EYA1: variants seen among roughly 807,000 people sequenced by gnomAD.
The protein encoded by EYA1 is EYA transcriptional coactivator and phosphatase 1.
EYA1 carries 16 observed loss-of-function variants against 82.0 expected under a neutral mutation model. The observed-to-expected ratio is 0.20, with a 90% CI of 0.13 to 0.30. The LOEUF (loss-of-function observed/expected upper bound fraction) is 0.30. EYA1 is among the 10% of genes least tolerant of loss of function. The pLI is 1.00. For missense variants in EYA1, 633 were observed against 730.7 expected, an observed-to-expected ratio of 0.87 and a Z score of 1.54; for synonymous variants, 261 against 264.4, an observed-to-expected ratio of 0.99 and a Z score of 0.12.
At chr8:71,484,236 G>T (rs150857905) in intron 2 of EYA1, among the ~76,000 whole-genome samples, 118 of 152,336 alleles carry the variant, frequency 7.7e-4, no homozygotes, top group African/African-American at 2.5e-3. Flanking sequence ...CCTTATTTTA[G>T]AATAAGCATA....
chr8:71,469,217 C>G (rs1168418438), intron 2 of EYA1, among the ~76,000 whole-genome samples: 1 of 151,974 alleles, frequency 6.6e-6, no homozygotes, highest in Non-Finnish European at 1.5e-5. Flanking sequence ...GAAAGAAGAA[C>G]TATAAACAAA....
At chr8:71,453,835 A>G (rs747760296) in intron 2 of EYA1, among the ~76,000 whole-genome samples, 11 of 152,214 alleles carry the variant, frequency 7.2e-5, no homozygotes, top group Non-Finnish European at 1.6e-4. Flanking sequence ...TGTAAAGACC[A>G]TCGATGCTAG....
At chr8:71,430,257 C>T (rs1805519471) in intron 2 of EYA1, among the ~76,000 whole-genome samples, 1 of 152,108 alleles carries the variant, frequency 6.6e-6, no homozygotes, top group African/African-American at 2.4e-5. Context: ...CCCATAACCA[C>T]AAAGAAGATA....
At chr8:71,514,300 T>C (rs2129258360) in intron 2 of EYA1, among the ~76,000 whole-genome samples, 1 of 152,254 alleles carries the variant, frequency 6.6e-6, no homozygotes, top group East Asian at 1.9e-4. Context: ...TCAGGAATTC[T>C]TTACCTCACT....
rs1336987002 is a variant in EYA1, at chr8:71,356,393, T to C, written c.-5+69A>G. ...ATTAATAGAAATAATTAAGAAACAC[T>C]AGACAAAAATAGATATGGGTCACAG... On this transcript the variant is annotated intron_variant, in intron 2 of 17. Coordinates refer to ENST00000340726, the MANE Select transcript of EYA1 (RefSeq NM_000503.6). 2.4e-5 allele frequency: 32 copies of C among 1,331,332 alleles called. No individual in the cohort carries two copies. The East Asian group carries it at 7.0e-4, about 29-fold the overall frequency. 82.5% of individuals were successfully genotyped at this position (1,331,332 alleles called of 1,614,324 possible).
chr8:71,262,365 C>T lies in EYA1; in HGVS notation c.1050+7375G>A, dbSNP rs186061070. Among the ~76,000 whole-genome samples, 21 of 152,266 alleles carry T rather than the reference C, an allele frequency of 1.4e-4. 1 individual carries two copies. Among genetic ancestry groups the T allele is most frequent in the Admixed American group, 1.2e-3 (18 of 15,298 alleles). ...CTGCCACTTGTAATTCTCTGTTTCC[C>T]ACTCCCTCTTTGCTGCCTGGAATAA... is the stretch of plus-strand genomic sequence containing the variant. On this transcript the variant is annotated intron_variant, in intron 11 of 17. Transcript: ENST00000340726.
intron 9 of EYA1, among the ~76,000 whole-genome samples, chr8:71,289,045 A>G (rs1242083536): frequency 1.3e-5 from 2 of 152,180 alleles, no homozygotes; most frequent in Non-Finnish European, 2.9e-5. Context: ...CCTAGTGTTC[A>G]TCAACCATGA....
intron 11 of EYA1, among the ~76,000 whole-genome samples, chr8:71,263,741 C>A (rs1409767533): frequency 1.3e-5 from 2 of 152,192 alleles, no homozygotes; most frequent in Non-Finnish European, 2.9e-5. Flanking sequence ...TCATCTCTGA[C>A]ACACATTCTT....
Position 71,311,539 on chromosome 8 carries a change from CT to C in EYA1, c.556+6012del, listed in dbSNP as rs1424844684. 1.1e-4 allele frequency among the ~76,000 whole-genome samples: 16 copies of C among 152,340 alleles called. No individual in the cohort carries two copies. The East Asian group carries it at 3.1e-3, about 29-fold the overall frequency. On this transcript the variant is annotated intron_variant, in intron 7 of 17. Transcript: ENST00000340726. ...CATTCAGCTAACTCATCTGCATCAG[CT>C]TTGTCAATGGTGTGTGAAGAAAAAC...
chr8:71,304,084 A>G lies in EYA1; in HGVS notation c.557-4364T>C, dbSNP rs1005789730. On this transcript the variant is annotated intron_variant, in intron 7 of 17. Transcript: ENST00000340726. The stretch of plus-strand genomic sequence containing the variant: ...TTATATTAAAATAATTTATATTTAT[A>G]TCTTGTAAATAATCTCAGGGATTAT... Among the ~76,000 whole-genome samples, 17 of 137,386 alleles carry G rather than the reference A, an allele frequency of 1.2e-4. 1 individual carries two copies. The highest frequency in any genetic ancestry group is 4.3e-4 in the African/African-American group (17 of 39,480). The allele number at this position is 137,386 out of a possible 152,430, so 90.1% of individuals were successfully genotyped here.
At chr8:71,270,352 G>A (rs997152511) in intron 10 of EYA1, 4 of 155,390 alleles carry the variant, frequency 2.6e-5, no homozygotes, top group African/African-American at 9.6e-5. Context: ...AAAGGGATGG[G>A]ATACACATTG....
intron 2 of EYA1, among the ~76,000 whole-genome samples, chr8:71,412,431 A>AAAAT (rs1830655596): frequency 6.6e-6 from 1 of 151,062 alleles, no homozygotes; most frequent in African/African-American, 2.4e-5. Flanking sequence ...TAAAATAAAA[A>AAAAT]AAAGAAATTG....
chr8:71,390,963 TACC>T (rs1829244101), intron 2 of EYA1, among the ~76,000 whole-genome samples: 1 of 152,066 alleles, frequency 6.6e-6, no homozygotes, highest in African/African-American at 2.4e-5. Flanking sequence ...ATATAAAATT[TACC>T]TTTTTTTGTT....
chr8:71,284,568 C>T (rs143362408), intron 9 of EYA1, among the ~76,000 whole-genome samples: 2 of 152,234 alleles, frequency 1.3e-5, no homozygotes, highest in African/African-American at 2.4e-5. Flanking sequence ...ATAATGCATG[C>T]TAAAGTGTTT....
At chr8:71,373,377 TC>T (rs1828190898) in intron 2 of EYA1, among the ~76,000 whole-genome samples, 2 of 152,048 alleles carry the variant, frequency 1.3e-5, no homozygotes, top group South Asian at 4.1e-4. Context: ...GAAAGCAATT[TC>T]ATTTACAATA....
rs189671282 is a variant in EYA1 at position 71,487,282 on chromosome 8, A to T, written c.33+48462T>A. 4.3e-3 allele frequency among the ~76,000 whole-genome samples: 649 copies of T among 152,280 alleles called. 5 individuals carry two copies. The highest frequency in any genetic ancestry group is 0.015 in the African/African-American group (621 of 41,566). On this transcript the variant is annotated intron_variant, in intron 2 of 18. Coordinates refer to the EYA1 transcript ENST00000643681. ...TTTAATTTAATTACTGTGGGTTAAC[A>T]TTCTCAGGCTCAGTTTCATCTGTAA...
intron 2 of EYA1, among the ~76,000 whole-genome samples, chr8:71,475,787 C>T (rs894983802): frequency 3.3e-5 from 5 of 152,074 alleles, no homozygotes; most frequent in Admixed American, 1.3e-4. Context: ...CTATAATTTT[C>T]GTTTGTTTAT....
chr8:71,501,036 G>A (rs946872080), intron 2 of EYA1, among the ~76,000 whole-genome samples: 2 of 152,190 alleles, frequency 1.3e-5, no homozygotes, highest in African/African-American at 4.8e-5. Context: ...AGCCATAGAA[G>A]GTCACCATTA....
chr8:71,257,970 G>A (rs1398142479), intron 11 of EYA1, among the ~76,000 whole-genome samples: 3 of 151,928 alleles, frequency 2.0e-5, no homozygotes, highest in Non-Finnish European at 4.4e-5. Context: ...CTAGTTAAAT[G>A]ATGTAGCTAC....
Sources: allele counts gnomAD v4.1 joint callset (sites outside exome capture counted in the v4.1 genomes callset), GRCh38; gene constraint gnomAD v4.1.1; transcripts MANE v1.5; gene names NCBI Gene and HGNC (gene_info 2026-07-23, HGNC 2026-07-21).